Variants in KCNH7 observed in about 807,000 individuals in gnomAD.
The protein encoded by KCNH7 is potassium voltage-gated channel subfamily H member 7, also known as voltage-gated inwardly rectifying potassium channel KCNH7.
KCNH7 carries 49 observed loss-of-function variants against 120.8 expected under a neutral mutation model. That is an observed-to-expected ratio of 0.41 (90% confidence interval 0.32 to 0.51). The LOEUF (loss-of-function observed/expected upper bound fraction) is 0.51. Ranked by LOEUF, KCNH7 falls within the 20% of genes least tolerant of loss-of-function variation. KCNH7 has a pLI of 0.38. For synonymous variants in KCNH7, 547 were observed against 516.1 expected (o/e 1.06, Z -0.81); for missense variants, 1,097 against 1,446.6 (o/e 0.76, Z 3.92).
At chr2:162,773,242 C>A (rs1020647428) in intron 2 of KCNH7, among the ~76,000 whole-genome samples, 2 of 152,188 alleles carry the variant, frequency 1.3e-5, no homozygotes, top group African/African-American at 4.8e-5. Flanking sequence ...AATCTCAGCA[C>A]TTTGGGAGGC....
chr2:162,705,262 C>A (rs1187772663), intron 2 of KCNH7, among the ~76,000 whole-genome samples: 1 of 152,006 alleles, frequency 6.6e-6, no homozygotes, highest in East Asian at 1.9e-4. Flanking sequence ...AGTTTTATTT[C>A]TTAATCTAGA....
intron 2 of KCNH7, among the ~76,000 whole-genome samples, chr2:162,696,221 T>C (rs1686281221): frequency 6.6e-6 from 1 of 152,138 alleles, no homozygotes; most frequent in African/African-American, 2.4e-5. Flanking sequence ...AGATATAGTA[T>C]TATTTATCTA....
chr2:162,585,834 A>G (rs1171905093), intron 2 of KCNH7, among the ~76,000 whole-genome samples: 1 of 151,966 alleles, frequency 6.6e-6, no homozygotes, highest in African/African-American at 2.4e-5. Context: ...GACAAGTCTT[A>G]TCTATATTTA....
intron 9 of KCNH7, among the ~76,000 whole-genome samples, chr2:162,406,036 T>C (rs1312952722): frequency 2.6e-5 from 4 of 151,984 alleles, no homozygotes; most frequent in Non-Finnish European, 4.4e-5. Context: ...GATAGCCAAA[T>C]AGATTTAAAT....
At chr2:162,825,769 C>T (rs2105603852) in intron 2 of KCNH7, among the ~76,000 whole-genome samples, 1 of 151,954 alleles carries the variant, frequency 6.6e-6, no homozygotes, top group South Asian at 2.1e-4. Context: ...AAAAAATATG[C>T]ATGTTCAGCA....
rs186876406 is a variant in KCNH7 at position 162,393,909 on chromosome 2, G to C, written c.2710+480C>G. Reference sequence around the variant, plus strand: ...GTGAAATGTTAAATGAATATTTGTTGACTATATAAGCAAAGCATAAAGAAT... The same window carrying C: ...GTGAAATGTTAAATGAATATTTGTTCACTATATAAGCAAAGCATAAAGAAT... On this transcript the variant is annotated intron_variant, in intron 12 of 15. Transcript: ENST00000332142. Among the ~76,000 whole-genome samples, 215 of 151,998 alleles carry C rather than the reference G, an allele frequency of 1.4e-3. 1 individual carries two copies. The highest frequency in any genetic ancestry group is 4.1e-3 in the African/African-American group (171 of 41,504).
At chr2:162,776,234 T>C (rs1683232861) in intron 2 of KCNH7, among the ~76,000 whole-genome samples, 1 of 152,168 alleles carries the variant, frequency 6.6e-6, no homozygotes, top group African/African-American at 2.4e-5. Context: ...TACCTACATG[T>C]AGCCTCTGGA....
At chr2:162,506,202 T>C (rs1232375799) in intron 5 of KCNH7, among the ~76,000 whole-genome samples, 1 of 151,878 alleles carries the variant, frequency 6.6e-6, no homozygotes, top group Non-Finnish European at 1.5e-5. Context: ...CATTTGCATA[T>C]AGAACCTAAC....
intron 2 of KCNH7, among the ~76,000 whole-genome samples, chr2:162,595,455 TGAA>T (rs1694346483): frequency 6.6e-6 from 1 of 151,784 alleles, no homozygotes; most frequent in African/African-American, 2.4e-5. Flanking sequence ...ATTAACAAAA[TGAA>T]GGACAAAAAC....
At chr2:162,496,074 A>G (rs917953990) in intron 6 of KCNH7, among the ~76,000 whole-genome samples, 1 of 152,066 alleles carries the variant, frequency 6.6e-6, no homozygotes, top group African/African-American at 2.4e-5. Flanking sequence ...TGCAAATGAA[A>G]CCATGCATGG....
At chr2:162,511,957 T>C (rs1002288113) in intron 5 of KCNH7, among the ~76,000 whole-genome samples, 1 of 151,806 alleles carries the variant, frequency 6.6e-6, no homozygotes, top group Non-Finnish European at 1.5e-5. Flanking sequence ...GGTTATCATA[T>C]TTTGTGATCC....
chr2:162,535,213 T>A (rs913589977), intron 3 of KCNH7, among the ~76,000 whole-genome samples: 13 of 151,754 alleles, frequency 8.6e-5, no homozygotes, highest in Non-Finnish European at 1.6e-4. Context: ...TTCTTTTTAA[T>A]GATACCTTGG....
intron 6 of KCNH7, among the ~76,000 whole-genome samples, chr2:162,457,969 A>G (rs1002201101): frequency 7.2e-5 from 11 of 152,192 alleles, no homozygotes; most frequent in African/African-American, 2.7e-4. Context: ...GCATCACACA[A>G]TAAATCAAAG....
intron 9 of KCNH7, among the ~76,000 whole-genome samples, chr2:162,418,384 T>A (rs533796049): frequency 6.6e-6 from 1 of 152,242 alleles, no homozygotes; most frequent in Non-Finnish European, 1.5e-5. Flanking sequence ...TTTATCAACT[T>A]CAGTAGATAA....
intron 2 of KCNH7, among the ~76,000 whole-genome samples, chr2:162,538,459 T>C (rs537981109): frequency 3.3e-5 from 5 of 151,910 alleles, no homozygotes; most frequent in African/African-American, 4.8e-5. Flanking sequence ...AAGATTAGTC[T>C]GGCATGAAAC....
intron 14 of KCNH7, among the ~76,000 whole-genome samples, chr2:162,374,135 T>A (rs945137504): frequency 6.6e-6 from 1 of 152,230 alleles, no homozygotes; most frequent in Non-Finnish European, 1.5e-5. Flanking sequence ...TTTTTAACCT[T>A]ACCTCTGTCC....
At chr2:162,661,877 G>A (rs1013945058) in intron 2 of KCNH7, among the ~76,000 whole-genome samples, 1 of 151,982 alleles carries the variant, frequency 6.6e-6, no homozygotes, top group African/African-American at 2.4e-5. Context: ...CCTGATGTTG[G>A]GTTTTTTAAA....
At chr2:162,595,019 C>A (rs758929432) in intron 2 of KCNH7, among the ~76,000 whole-genome samples, 1 of 151,922 alleles carries the variant, frequency 6.6e-6, no homozygotes, top group African/African-American at 2.4e-5. Flanking sequence ...GTGTATTAGC[C>A]CATTCTCACA....
At chr2:162,706,516 T>A (rs953289519) in intron 2 of KCNH7, among the ~76,000 whole-genome samples, 10 of 152,060 alleles carry the variant, frequency 6.6e-5, no homozygotes, top group African/African-American at 1.9e-4. Context: ...AAGGTCATAG[T>A]TAGCAAATGG....
Sources: gnomAD v4.1 joint callset for allele counts (sites outside exome capture counted in the v4.1 genomes callset) on GRCh38, gnomAD v4.1.1 for gene constraint, MANE v1.5 for transcripts, NCBI Gene and HGNC (gene_info 2026-07-23, HGNC 2026-07-21) for gene names.